The following NREP variants were observed in gnomAD, a reference collection of about 807,000 sequenced individuals.
NREP encodes the protein neuronal regeneration related protein.
In NREP, 5 loss-of-function variants were observed where a neutral mutation model predicts 8.6. The ratio of observed to expected loss-of-function variants is 0.58; its 90% CI spans 0.30 to 1.22. The LOEUF (loss-of-function observed/expected upper bound fraction) is 1.22, where lower values mean the gene tolerates loss of function less well. Ranked by LOEUF, NREP falls within the 50% of genes most tolerant of loss-of-function variation. The pLI, the probability that NREP is intolerant of heterozygous loss-of-function variation, is 0.07. For missense variants in NREP, 86 were observed against 82.5 expected (o/e 1.04, Z -0.17); for synonymous variants, 27 against 28.0 (o/e 0.96, Z 0.11).
At chr5:111,801,395 C>G (rs1016991794) in intron 2 of NREP, among the ~76,000 whole-genome samples, 2 of 152,122 alleles carry the variant, frequency 1.3e-5, no homozygotes, top group African/African-American at 4.8e-5. Flanking sequence ...CAATGGCAAC[C>G]AAGGAATCAT....
chr5:111,731,120 T>A, intron 3 of NREP, 74 bp from the exon 4 acceptor site: 1 of 1,559,070 alleles, frequency 6.4e-7, no homozygotes. Context: ...TGAAACCATT[T>A]TTTAAAATTT....
At chr5:111,886,932 C>A (rs1459538502) in intron 2 of NREP, among the ~76,000 whole-genome samples, 2 of 151,698 alleles carry the variant, frequency 1.3e-5, no homozygotes, top group African/African-American at 4.8e-5. Flanking sequence ...TGTAACTAAA[C>A]TGCACATTGT....
chr5:111,798,767 GTGTGTGTGTA>G (rs1302041347), intron 2 of NREP, among the ~76,000 whole-genome samples: 1,864 of 20,954 alleles, frequency 0.089, 38 homozygotes, highest in African/African-American at 0.18. Context: ...GTGTGTGTGT[GTGTGTGTGTA>G]TGTGTGTGTG....
intron 2 of NREP, among the ~76,000 whole-genome samples, chr5:111,882,728 G>T (rs1424486719): frequency 6.6e-6 from 1 of 152,116 alleles, no homozygotes; most frequent in South Asian, 2.1e-4. Context: ...GCCAAACTAA[G>T]CTTCATAAGT....
intron 2 of NREP, among the ~76,000 whole-genome samples, chr5:111,904,372 T>G (rs955470481): frequency 5.3e-5 from 8 of 152,158 alleles, no homozygotes; most frequent in Non-Finnish European, 8.8e-5. Flanking sequence ...GTATTTAGTT[T>G]AACTGGTCAG....
At chr5:111,871,848 A>ATATATATATATATATATT (rs1753798100) in intron 2 of NREP, among the ~76,000 whole-genome samples, 1 of 146,856 alleles carries the variant, frequency 6.8e-6, no homozygotes, top group African/African-American at 2.5e-5. Flanking sequence ...AGTACAGACT[A>ATATATATATATATATATT]TATATATATA....
chr5:111,737,724 A>AAAC (rs1554094674), intron 2 of NREP, among the ~76,000 whole-genome samples: 1 of 150,728 alleles, frequency 6.6e-6, no homozygotes, highest in African/African-American at 2.4e-5. Context: ...CTAAAAAAAA[A>AAAC]AAAAACAAAA....
At chr5:111,860,884 A>G (rs1194640903) in intron 2 of NREP, among the ~76,000 whole-genome samples, 1 of 152,288 alleles carries the variant, frequency 6.6e-6, no homozygotes, top group East Asian at 1.9e-4. Context: ...ACTAAGGTTC[A>G]TGGCTCATAA....
chr5:111,940,616 G>A (rs1755803638), intron 2 of NREP, among the ~76,000 whole-genome samples: 1 of 152,066 alleles, frequency 6.6e-6, no homozygotes, highest in Non-Finnish European at 1.5e-5. Flanking sequence ...GTGGAGGGGA[G>A]TCACAATTAT....
intron 3 of NREP, chr5:111,733,180 C>T (rs1487887003): frequency 2.0e-5 from 3 of 152,202 alleles, no homozygotes; most frequent in Non-Finnish European, 4.4e-5. Context: ...TGAGTGCCTA[C>T]TATGGCTGGA....
At chr5:111,828,636 A>G (rs1226616142) in intron 2 of NREP, among the ~76,000 whole-genome samples, 1 of 152,120 alleles carries the variant, frequency 6.6e-6, no homozygotes, top group Non-Finnish European at 1.5e-5. Context: ...AAAAATGACT[A>G]TGTAATACAA....
chr5:111,793,688 A>G (rs1751806240), intron 2 of NREP, among the ~76,000 whole-genome samples: 1 of 152,190 alleles, frequency 6.6e-6, no homozygotes, highest in African/African-American at 2.4e-5. Context: ...TAACCATCAC[A>G]GGAGCCCTCC....
At chr5:111,919,867 GAGAGAA>G (rs1361809232) in intron 2 of NREP, among the ~76,000 whole-genome samples, 1 of 131,650 alleles carries the variant, frequency 7.6e-6, no homozygotes, top group African/African-American at 2.9e-5. Context: ...AACTTGAAGA[GAGAGAA>G]AGAAAGAAAG....
intron 2 of NREP, chr5:111,846,099 A>T (rs1753156808): frequency 6.4e-6 from 1 of 155,150 alleles, no homozygotes; most frequent in Admixed American, 6.5e-5. Flanking sequence ...TAAAAAACAG[A>T]AAATGATTTT....
chr5:111,780,622 C>A (rs1751470800), intron 2 of NREP, among the ~76,000 whole-genome samples: 1 of 152,050 alleles, frequency 6.6e-6, no homozygotes, highest in Non-Finnish European at 1.5e-5. Context: ...TGGAAGGAGA[C>A]TGGATTTCAA....
chr5:111,964,187 G>T (rs1379740134), intron 2 of NREP, among the ~76,000 whole-genome samples: 1 of 151,968 alleles, frequency 6.6e-6, no homozygotes, highest in Non-Finnish European at 1.5e-5. Flanking sequence ...TCTAATTTTT[G>T]CTTATTAAAT....
intron 3 of NREP, chr5:111,734,422 G>C (rs192653184): frequency 3.9e-6 from 1 of 256,244 alleles, no homozygotes; most frequent in African/African-American, 2.2e-5. Context: ...TGCAAGTCTA[G>C]TTCAGGCAGG....
At chr5:111,779,210 G>C (rs1303107218) in intron 2 of NREP, among the ~76,000 whole-genome samples, 1 of 152,124 alleles carries the variant, frequency 6.6e-6, no homozygotes, top group Non-Finnish European at 1.5e-5. Context: ...TTATTGCTGT[G>C]TTGTTGGGCT....
intron 2 of NREP, among the ~76,000 whole-genome samples, chr5:111,773,848 G>A (rs1352627663): frequency 6.6e-6 from 1 of 151,972 alleles, no homozygotes; most frequent in Admixed American, 6.6e-5. Context: ...TCTCTCCCTG[G>A]TACCCTGCTT....
Sources: gnomAD v4.1 joint callset for allele counts (sites outside exome capture counted in the v4.1 genomes callset) on GRCh38, gnomAD v4.1.1 for gene constraint, MANE v1.5 for transcripts, NCBI Gene and HGNC (gene_info 2026-07-23, HGNC 2026-07-21) for gene names.